SMIM8: variants seen among roughly 807,000 people sequenced by gnomAD.
SMIM8 encodes the protein UPF0708 protein C6orf162.
SMIM8 carries 8 observed loss-of-function variants against 8.1 expected under a neutral mutation model. The observed-to-expected ratio is 0.99, with a 90% CI of 0.58 to 1.78. The LOEUF (loss-of-function observed/expected upper bound fraction) is 1.78, where lower values mean the gene tolerates loss of function less well. Ranked by LOEUF, SMIM8 falls within the 40% of genes most tolerant of loss-of-function variation. The probability of loss-of-function intolerance (pLI) is 0.00; values close to 1 mark genes in which losing one functional copy is unlikely to be tolerated. For synonymous variants in SMIM8, 45 were observed against 39.7 expected (o/e 1.13, Z -0.50); for missense variants, 126 against 119.8 (o/e 1.05, Z -0.24).
intron 3 of SMIM8, among the ~76,000 whole-genome samples, chr6:87,338,856 TA>T (rs1777163004): frequency 6.6e-6 from 1 of 151,058 alleles, no homozygotes; most frequent in Non-Finnish European, 1.5e-5. Flanking sequence ...ACAAAGTTAA[TA>T]GACAAAATAC....
At chr6:87,325,943 C>T (rs755540223) in intron 1 of SMIM8, among the ~76,000 whole-genome samples, 10 of 152,156 alleles carry the variant, frequency 6.6e-5, no homozygotes, top group African/African-American at 1.4e-4. Flanking sequence ...ACAATTTCAG[C>T]TCCTGTTATT....
At position 87,341,429 on chromosome 6, in the gene SMIM8, C is replaced by T. The variant is rs866224699; in HGVS notation, c.*1155C>T. Reference sequence around the variant, plus strand: ...GTCAAGGCTAGGCCCCTGTGTCTGGCCAGATTCTGCCTTATAGAATTCAAA... The same window carrying T: ...GTCAAGGCTAGGCCCCTGTGTCTGGTCAGATTCTGCCTTATAGAATTCAAA... On this transcript the variant is annotated 3_prime_UTR_variant, in exon 4 of 4. Coordinates refer to ENST00000392863, the MANE Select transcript of SMIM8 (RefSeq NM_001042493.3). The T allele has an allele frequency of 3.3e-5, 13 of 396,056 alleles. No individual in the cohort carries two copies. The East Asian group carries it at 4.7e-4, about 14-fold the overall frequency. 24.5% of individuals were successfully genotyped at this position (396,056 alleles called of 1,614,324 possible).
intron 1 of SMIM8, among the ~76,000 whole-genome samples, chr6:87,325,566 A>C (rs1375461556): frequency 6.7e-6 from 1 of 149,994 alleles, no homozygotes; most frequent in Non-Finnish European, 1.5e-5. Flanking sequence ...GCTGGATTAC[A>C]TTTATTGATT....
At chr6:87,328,858 C>T (rs1352950725) in intron 1 of SMIM8, among the ~76,000 whole-genome samples, 2 of 152,334 alleles carry the variant, frequency 1.3e-5, no homozygotes, top group African/African-American at 2.4e-5. Flanking sequence ...AGCCTCACTG[C>T]CGCCTTGCAG....
At chr6:87,333,578 T>C (rs1014356711) in intron 2 of SMIM8, among the ~76,000 whole-genome samples, 25 of 151,966 alleles carry the variant, frequency 1.6e-4, no homozygotes, top group African/African-American at 6.0e-4. Context: ...AAGAAAAAAA[T>C]GGTAGTAGTG....
rs1319479825 is a variant in SMIM8 at position 87,340,214 on chromosome 6, T to C, written c.234T>C (p.Tyr78=). 3.1e-6 allele frequency: 5 copies of C among 1,611,580 alleles called. No individual in the cohort carries two copies. The highest frequency in any genetic ancestry group is 4.2e-6 in the Non-Finnish European group (5 of 1,179,326). The change falls in exon 4 of 4, where the codon TAT becomes TAC. Residue 78 remains tyrosine, a synonymous_variant. Transcript: ENST00000392863. Reference sequence around the variant, plus strand: ...TACAAGAGAATAAAAAGGACCTCTATGAAGCTATTGATAGTGAGGGGCACA... The same window carrying C: ...TACAAGAGAATAAAAAGGACCTCTACGAAGCTATTGATAGTGAGGGGCACA... The part of the protein sequence containing the change: ...HAIQENKKDL[Y]EAIDSEGHSY...
rs1277075804 is a variant in SMIM8, at chr6:87,322,606, C to CGAGGA, written c.-64_-60dup. On this transcript the variant is annotated 5_prime_UTR_variant, in exon 1 of 4. Coordinates refer to ENST00000392863, the MANE Select transcript of SMIM8 (RefSeq NM_001042493.3). Reference sequence around the variant, plus strand: ...GCGAAGCGGGGCGGGGCGTCTCGGGCGAGGAGAGGAGGTGACCCCGCGAAA... The same window carrying CGAGGA: ...GCGAAGCGGGGCGGGGCGTCTCGGGCGAGGAGAGGAGAGGAGGTGACCCCGCGAAA... The CGAGGA allele has an allele frequency of 6.6e-6, 1 of 152,332 alleles. No individual in the cohort carries two copies. Among genetic ancestry groups the CGAGGA allele is most frequent in the African/African-American group, 2.4e-5 (1 of 41,434 alleles). The allele number at this position is 152,332 out of a possible 1,614,324, so 9.4% of individuals were successfully genotyped here.
chr6:87,339,570 T>C (rs533567895), intron 3 of SMIM8, among the ~76,000 whole-genome samples: 2 of 152,204 alleles, frequency 1.3e-5, no homozygotes, highest in East Asian at 3.9e-4. Flanking sequence ...CTTGAGGTAA[T>C]GGAGTAGTTT....
intron 1 of SMIM8, among the ~76,000 whole-genome samples, chr6:87,328,193 G>T (rs1435516811): frequency 1.3e-5 from 2 of 152,098 alleles, no homozygotes; most frequent in African/African-American, 4.8e-5. Context: ...CTTTGCCTTT[G>T]GTTTGAATTT....
intron 1 of SMIM8, among the ~76,000 whole-genome samples, chr6:87,326,403 T>C (rs973806643): frequency 2.1e-4 from 32 of 152,222 alleles, no homozygotes; most frequent in African/African-American, 7.7e-4. Context: ...TGTGGGCATT[T>C]AGGGCTATAA....
At chr6:87,333,686 T>C (rs1459004791) in intron 2 of SMIM8, among the ~76,000 whole-genome samples, 1 of 152,154 alleles carries the variant, frequency 6.6e-6, no homozygotes, top group African/African-American at 2.4e-5. Context: ...TGAGCCAAGA[T>C]TGAAGAGAAA....
chr6:87,328,572 G>C (rs909825062), intron 1 of SMIM8, among the ~76,000 whole-genome samples: 1 of 152,172 alleles, frequency 6.6e-6, no homozygotes, highest in South Asian at 2.1e-4. Context: ...TCGGGGGTCA[G>C]GGGTCAGGGA....
intron 2 of SMIM8, among the ~76,000 whole-genome samples, chr6:87,333,376 G>T (rs918000757): frequency 1.3e-5 from 2 of 152,184 alleles, no homozygotes; most frequent in Non-Finnish European, 2.9e-5. Context: ...TTCAACGTGA[G>T]GTTTGGGAGA....
chr6:87,333,353 T>C (rs1360808764), intron 2 of SMIM8, among the ~76,000 whole-genome samples: 2 of 152,106 alleles, frequency 1.3e-5, no homozygotes, highest in South Asian at 2.1e-4. Flanking sequence ...ACCTCCGACA[T>C]TGGAGGTCAG....
intron 1 of SMIM8, among the ~76,000 whole-genome samples, chr6:87,327,056 A>T (rs1176070036): frequency 6.7e-6 from 1 of 150,132 alleles, no homozygotes; most frequent in Non-Finnish European, 1.5e-5. Context: ...TTTGTTGGTT[A>T]AAAGTCTGTT....
chr6:87,324,096 C>G (rs1424633557), intron 1 of SMIM8, among the ~76,000 whole-genome samples: 1 of 151,528 alleles, frequency 6.6e-6, no homozygotes, highest in African/African-American at 2.4e-5. Context: ...CTGTTCATGT[C>G]CTTCGCCCAC....
intron 2 of SMIM8, among the ~76,000 whole-genome samples, chr6:87,334,303 G>C (rs1217618170): frequency 6.6e-6 from 1 of 152,114 alleles, no homozygotes; most frequent in Admixed American, 6.6e-5. Context: ...ACAAACTTTG[G>C]GCATATTCTG....
intron 1 of SMIM8, chr6:87,329,017 A>C (rs147011459): frequency 0.037 from 5,710 of 153,144 alleles, 373 homozygotes; most frequent in African/African-American, 0.13. Context: ...CCGATTTTCC[A>C]TGTGCCGTCT....
rs1167801814 is a variant in SMIM8 at position 87,340,125 on chromosome 6, G to A, written c.145G>A (p.Val49Ile). 4 of 1,571,730 alleles carry A rather than the reference G, an allele frequency of 2.5e-6. No individual in the cohort carries two copies. The South Asian group carries it at 4.8e-5, about 19-fold the overall frequency. ...PELFIKPNKP[V>I]MAFGLVTLSL... The stretch of plus-strand genomic sequence containing the variant: ...TTTTTTTCTTTGACAGAACAAACCT[G>A]TAATGGCTTTCGGATTGGTAACTCT... The change falls in exon 4 of 4, where the codon GTA becomes ATA. Residue 49 changes from valine to isoleucine, a missense_variant. Val to Ile is a conservative substitution (Grantham distance 29). Coordinates refer to ENST00000392863, the MANE Select transcript of SMIM8 (RefSeq NM_001042493.3).
Sources: gnomAD v4.1 joint callset for allele counts (sites outside exome capture counted in the v4.1 genomes callset) on GRCh38, gnomAD v4.1.1 for gene constraint, MANE v1.5 for transcripts, NCBI Gene and HGNC (gene_info 2026-07-23, HGNC 2026-07-21) for gene names.